NELL2: variants seen among roughly 807,000 people sequenced by gnomAD.
NELL2 encodes the protein neural EGFL like 2.
A neutral mutation model predicts 109.6 loss-of-function variants in NELL2; 41 were observed. The observed-to-expected ratio is 0.37, with a 90% CI of 0.29 to 0.49. The LOEUF is 0.49. Among genes scored for constraint, NELL2 ranks in the 20% least tolerant of loss-of-function variants. The pLI is 0.98. For missense variants in NELL2, 900 were observed against 1,008.3 expected, an observed-to-expected ratio of 0.89 and a Z score of 1.45; for synonymous variants, 355 against 344.7, an observed-to-expected ratio of 1.03 and a Z score of -0.33.
In NELL2 at chr12:44,807,161, GA is replaced by G. The variant is rs1443488109; in HGVS notation, c.335+8824del. Among the ~76,000 whole-genome samples the G allele has an allele frequency of 2.0e-5, 3 of 151,872 alleles. No individual in the cohort carries two copies. The East Asian group carries it at 5.8e-4, about 29-fold the overall frequency. On this transcript the variant is annotated intron_variant, in intron 3 of 19. Transcript: ENST00000429094. ...AAACACATATAAAGAAGCAACGTTT[GA>G]AATGCAAAAATCCTCTTAAAGAAAA...
At chr12:44,725,666 T>C (rs1342666982) in intron 9 of NELL2, among the ~76,000 whole-genome samples, 1 of 152,130 alleles carries the variant, frequency 6.6e-6, no homozygotes, top group Non-Finnish European at 1.5e-5. Context: ...TGAAACACTA[T>C]GCAGCCATAA....
chr12:44,643,080 ACTC>A (rs1946920669), intron 13 of NELL2, among the ~76,000 whole-genome samples: 1 of 152,182 alleles, frequency 6.6e-6, no homozygotes, highest in Non-Finnish European at 1.5e-5. Context: ...AAAAATGTAA[ACTC>A]CTACAAACTT....
chr12:44,601,494 T>C (rs1051406533), intron 15 of NELL2, among the ~76,000 whole-genome samples: 1 of 152,188 alleles, frequency 6.6e-6, no homozygotes, highest in Non-Finnish European at 1.5e-5. Flanking sequence ...TAAACCACTA[T>C]AGTACAGTAA....
At chr12:44,742,348 C>G (rs916156971) in intron 9 of NELL2, among the ~76,000 whole-genome samples, 2 of 152,086 alleles carry the variant, frequency 1.3e-5, no homozygotes, top group Non-Finnish European at 2.9e-5. Flanking sequence ...GATAAAACCA[C>G]AAAGATGGGA....
At chr12:44,568,740 T>TTA (rs915195750) in intron 15 of NELL2, among the ~76,000 whole-genome samples, 7 of 151,774 alleles carry the variant, frequency 4.6e-5, no homozygotes, top group Non-Finnish European at 1.0e-4. Context: ...CATACATATT[T>TTA]TATATATATA....
At chr12:44,698,176 T>A (rs971412740) in intron 12 of NELL2, among the ~76,000 whole-genome samples, 10 of 152,292 alleles carry the variant, frequency 6.6e-5, no homozygotes, top group African/African-American at 2.2e-4. Context: ...TCTTAACACA[T>A]TAAATCTGCA....
intron 12 of NELL2, among the ~76,000 whole-genome samples, chr12:44,702,958 G>A (rs979630200): frequency 2.6e-5 from 4 of 152,188 alleles, no homozygotes; most frequent in Non-Finnish European, 5.9e-5. Flanking sequence ...TTCATGTGGA[G>A]TGGGTAAGTT....
chr12:44,573,770 A>G (rs1943960770), intron 15 of NELL2, among the ~76,000 whole-genome samples: 1 of 152,256 alleles, frequency 6.6e-6, no homozygotes, highest in Admixed American at 6.5e-5. Context: ...GGTCCCTGAA[A>G]TAGAGACCTT....
chr12:44,699,930 C>T (rs1213070331), intron 12 of NELL2, among the ~76,000 whole-genome samples: 11 of 152,250 alleles, frequency 7.2e-5, no homozygotes, highest in African/African-American at 2.4e-5. Context: ...CAATCCCTTC[C>T]GTCTCCTCAA....
intron 2 of NELL2, among the ~76,000 whole-genome samples, chr12:44,821,875 G>A (rs1044002843): frequency 4.0e-5 from 6 of 149,936 alleles, no homozygotes; most frequent in African/African-American, 7.4e-5. Flanking sequence ...GCACCACCAC[G>A]CCCGGCTGGT....
intron 13 of NELL2, among the ~76,000 whole-genome samples, chr12:44,658,460 A>C (rs1165343101): frequency 6.6e-6 from 1 of 152,192 alleles, no homozygotes; most frequent in East Asian, 1.9e-4. Context: ...CAAATGGAAA[A>C]ACATTCCATG....
chr12:44,527,168 AG>A (rs1941821526), intron 16 of NELL2, among the ~76,000 whole-genome samples: 1 of 152,218 alleles, frequency 6.6e-6, no homozygotes, highest in African/African-American at 2.4e-5. Flanking sequence ...TCTCAATCAC[AG>A]CGTTGGGCTT....
rs1171581926 is a variant in NELL2 at position 44,791,150 on chromosome 12, T to TACAC, written c.336-11132_336-11129dup. ...ATATATATATACACACGCACACACA[T>TACAC]ACACACACACACACACATATATAGT... On this transcript the variant is annotated intron_variant, in intron 3 of 19. Transcript: ENST00000429094. Among the ~76,000 whole-genome samples, 70 of 53,534 alleles carry TACAC rather than the reference T, an allele frequency of 1.3e-3. 6 individuals are homozygous for TACAC. Among genetic ancestry groups the TACAC allele is most frequent in the African/African-American group, 5.0e-3 (66 of 13,112 alleles). The allele number at this position is 53,534 out of a possible 152,430, so 35.1% of individuals were successfully genotyped here. A position where few individuals can be genotyped will look rare whatever the true frequency, so the allele number is the denominator to read the frequency against.
intron 1 of NELL2, among the ~76,000 whole-genome samples, chr12:44,913,525 C>G (rs982729134): frequency 3.9e-5 from 6 of 152,066 alleles, no homozygotes; most frequent in Non-Finnish European, 7.4e-5. Context: ...TTTCTCCTTC[C>G]CAGTCCTAAA....
intron 19 of NELL2, 107 bp from the exon 20 acceptor site, chr12:44,509,091 C>T: frequency 1.1e-6 from 1 of 908,416 alleles, no homozygotes; most frequent in East Asian, 2.6e-5. Flanking sequence ...TAATTTATTT[C>T]TGCATTCCTA....
chr12:44,768,504 A>G (rs1233049916), intron 9 of NELL2, among the ~76,000 whole-genome samples: 5 of 144,416 alleles, frequency 3.5e-5, no homozygotes, highest in Admixed American at 3.5e-4. Flanking sequence ...ATATACCTAT[A>G]GAATTATAAA....
At chr12:44,875,049 G>T in intron 2 of NELL2, 176 bp downstream of exon 2, 1 of 777,714 alleles carries the variant, frequency 1.3e-6, no homozygotes, top group Non-Finnish European at 2.0e-6. Flanking sequence ...GTGAGGCAGG[G>T]GAGAAAAAAC....
At chr12:44,914,923 C>T (rs1423839713), upstream of NELL2, among the ~76,000 whole-genome samples, 1 of 151,594 alleles carries the variant, frequency 6.6e-6, no homozygotes, top group Non-Finnish European at 1.5e-5. Context: ...GATCTCGGCT[C>T]ACTGTAAGCT....
intron 9 of NELL2, among the ~76,000 whole-genome samples, chr12:44,749,953 G>A (rs183798405): frequency 1.3e-4 from 19 of 151,524 alleles, no homozygotes; most frequent in East Asian, 3.9e-4. Context: ...GAAGAAATAC[G>A]TAAACCAGGA....
Sources: allele counts gnomAD v4.1 joint callset (sites outside exome capture counted in the v4.1 genomes callset), GRCh38; gene constraint gnomAD v4.1.1; transcripts MANE v1.5; gene names NCBI Gene and HGNC (gene_info 2026-07-23, HGNC 2026-07-21).